Variants in PLXDC2 observed in about 807,000 individuals in gnomAD.
PLXDC2 encodes the protein plexin domain-containing protein 2.
Under a neutral mutation model 68.9 loss-of-function variants are expected in PLXDC2, and 40 were observed. The observed-to-expected ratio is 0.58, with a 90% CI of 0.45 to 0.76. The LOEUF (loss-of-function observed/expected upper bound fraction) is 0.76, where lower values mean the gene tolerates loss of function less well. PLXDC2 is among the 30% of genes least tolerant of loss of function. The pLI, the probability that PLXDC2 is intolerant of heterozygous loss-of-function variation, is 0.00. For synonymous variants in PLXDC2, 243 were observed against 234.2 expected, an observed-to-expected ratio of 1.04 and a Z score of -0.34; for missense variants, 644 against 661.9, an observed-to-expected ratio of 0.97 and a Z score of 0.30.
At chr10:19,888,422 A>G (rs545850615) in intron 1 of PLXDC2, among the ~76,000 whole-genome samples, 1 of 152,304 alleles carries the variant, frequency 6.6e-6, no homozygotes, top group East Asian at 1.9e-4. Flanking sequence ...ATGGATTACC[A>G]AGAGCGGGGT....
At chr10:20,058,529 C>T (rs12248172) in intron 3 of PLXDC2, among the ~76,000 whole-genome samples, 4,324 of 152,196 alleles carry the variant, frequency 0.028, 206 homozygotes, top group African/African-American at 0.099. Flanking sequence ...CAATACCTAG[C>T]ATAGTGTCCA....
chr10:20,235,250 G>A (rs1220225741), intron 12 of PLXDC2, among the ~76,000 whole-genome samples: 1 of 152,136 alleles, frequency 6.6e-6, no homozygotes, highest in African/African-American at 2.4e-5. Context: ...TGAGGGAATG[G>A]ATTCCTTCTT....
chr10:20,129,474 C>T (rs1833835426), intron 4 of PLXDC2, among the ~76,000 whole-genome samples: 1 of 144,606 alleles, frequency 6.9e-6, no homozygotes, highest in Middle Eastern at 3.4e-3. Context: ...TTCATGAAAT[C>T]TCATTTGTCC....
intron 9 of PLXDC2, among the ~76,000 whole-genome samples, chr10:20,185,195 T>C (rs1232838009): frequency 7.6e-6 from 1 of 132,160 alleles, no homozygotes; most frequent in Non-Finnish European, 1.6e-5. Flanking sequence ...AAACTATGGG[T>C]ATTTTCCATA....
At chr10:19,935,171 G>A (rs555161343) in intron 1 of PLXDC2, among the ~76,000 whole-genome samples, 1 of 152,222 alleles carries the variant, frequency 6.6e-6, no homozygotes, top group African/African-American at 2.4e-5. Context: ...TGGAGTTCAC[G>A]GGTGGTGGAG....
chr10:19,911,533 T>C (rs1176583390), intron 1 of PLXDC2, among the ~76,000 whole-genome samples: 2 of 152,176 alleles, frequency 1.3e-5, no homozygotes, highest in Non-Finnish European at 2.9e-5. Context: ...AGTAGAGCCT[T>C]TGTCAAACAT....
intron 1 of PLXDC2, among the ~76,000 whole-genome samples, chr10:19,832,050 CAAAT>C (rs969372014): frequency 1.3e-5 from 2 of 152,154 alleles, no homozygotes; most frequent in Non-Finnish European, 2.9e-5. Context: ...ACCCATCAAA[CAAAT>C]GGGTTTTTCG....
At chr10:20,074,143 T>C (rs1269545735) in intron 4 of PLXDC2, among the ~76,000 whole-genome samples, 1 of 152,120 alleles carries the variant, frequency 6.6e-6, no homozygotes, top group Non-Finnish European at 1.5e-5. Flanking sequence ...AAAGGTGATA[T>C]GAATTTAAAA....
intron 1 of PLXDC2, among the ~76,000 whole-genome samples, chr10:19,936,022 A>G (rs1833717267): frequency 6.6e-6 from 1 of 152,250 alleles, no homozygotes; most frequent in Non-Finnish European, 1.5e-5. Context: ...TAAAACAAAA[A>G]TTTGAAATCG....
intron 1 of PLXDC2, among the ~76,000 whole-genome samples, chr10:19,831,590 C>G (rs1485407587): frequency 6.6e-6 from 1 of 152,174 alleles, no homozygotes; most frequent in Non-Finnish European, 1.5e-5. Flanking sequence ...TCCTCCCACT[C>G]TCCGCCCTCA....
chr10:19,831,002 TTTTGTTTGTTTTTTTGC>T (rs1836680115), intron 1 of PLXDC2, among the ~76,000 whole-genome samples: 1 of 151,864 alleles, frequency 6.6e-6, no homozygotes, highest in African/African-American at 2.4e-5. Context: ...TCCTTTTTTT[TTTTGTTTGTTTTTTTGC>T]TTGTTTGTTT....
intron 13 of PLXDC2, among the ~76,000 whole-genome samples, chr10:20,264,185 G>T (rs908957846): frequency 1.3e-5 from 2 of 152,168 alleles, no homozygotes; most frequent in Non-Finnish European, 2.9e-5. Context: ...GAAGCTGGAG[G>T]CTATCATCCT....
chr10:19,959,717 A>G (rs1289712884), intron 1 of PLXDC2, among the ~76,000 whole-genome samples: 1 of 152,206 alleles, frequency 6.6e-6, no homozygotes, highest in Non-Finnish European at 1.5e-5. Context: ...CTCTCCTGGG[A>G]GTGCCAGATG....
At chr10:20,202,729 TC>T (rs1402130980) in intron 9 of PLXDC2, among the ~76,000 whole-genome samples, 1 of 152,166 alleles carries the variant, frequency 6.6e-6, no homozygotes, top group Non-Finnish European at 1.5e-5. Context: ...TTAGCTATTT[TC>T]AAATGAATGA....
intron 4 of PLXDC2, among the ~76,000 whole-genome samples, chr10:20,099,983 G>T (rs1293732409): frequency 1.3e-5 from 2 of 152,138 alleles, no homozygotes; most frequent in South Asian, 2.1e-4. Context: ...TATTTCATAT[G>T]TTACCTATTC....
chr10:20,198,264 C>T (rs2131845393), intron 9 of PLXDC2, among the ~76,000 whole-genome samples: 1 of 152,164 alleles, frequency 6.6e-6, no homozygotes, highest in East Asian at 1.9e-4. Flanking sequence ...AAAGGCAATG[C>T]AAAATGTCAG....
At chr10:20,197,528 T>G (rs1430249669) in intron 9 of PLXDC2, among the ~76,000 whole-genome samples, 3 of 152,086 alleles carry the variant, frequency 2.0e-5, no homozygotes, top group African/African-American at 7.2e-5. Flanking sequence ...CAGCTAATTT[T>G]TGTATTTTTA....
chr10:20,150,547 T>C (rs1407810530), intron 6 of PLXDC2, among the ~76,000 whole-genome samples: 9 of 152,186 alleles, frequency 5.9e-5, no homozygotes, highest in Non-Finnish European at 1.3e-4. Context: ...CAAAAGGACT[T>C]ATTCATTTCT....
chr10:20,240,612 C>T (rs1349177724), intron 12 of PLXDC2, among the ~76,000 whole-genome samples: 1 of 140,860 alleles, frequency 7.1e-6, no homozygotes, highest in East Asian at 2.2e-4. Flanking sequence ...ATTAAGCCGT[C>T]ATAATACCTG....
Sources: allele counts gnomAD v4.1 joint callset (sites outside exome capture counted in the v4.1 genomes callset), GRCh38; gene constraint gnomAD v4.1.1; transcripts MANE v1.5; gene names NCBI Gene and HGNC (gene_info 2026-07-23, HGNC 2026-07-21).